The following HNRNPH2 variants were observed in gnomAD, a reference collection of about 807,000 sequenced individuals.
HNRNPH2 encodes the protein heterogeneous nuclear ribonucleoprotein H2, also known as FTP-3.
For synonymous variants in HNRNPH2, 128 were observed against 128.2 expected, an observed-to-expected ratio of 1.00 and a Z score of 0.01; for missense variants, 115 against 352.9, an observed-to-expected ratio of 0.33 and a Z score of 5.40.
At position 101,412,712 on chromosome X, in the gene HNRNPH2, G is replaced by A. The variant is rs1330140553; in HGVS notation, c.724G>A (p.Gly242Ser). The change falls in exon 2 of 2, where the codon GGC (glycine) becomes AGC (serine). Residue 242 changes from glycine to serine, a missense_variant. By Grantham distance (56) the Gly-to-Ser change is moderately conservative. Coordinates refer to ENST00000316594, the MANE Select transcript of HNRNPH2 (RefSeq NM_019597.5). ...RRGAYGGGYG[G>S]YDDYGGYNDG... The stretch of plus-strand genomic sequence containing the variant: ...TGGTGCCTATGGTGGAGGGTATGGA[G>A]GCTATGATGACTATGGTGGCTATAA... 1.7e-6 allele frequency: 2 copies of A among 1,209,488 alleles called. No individual in the cohort carries two copies. Among genetic ancestry groups the A allele is most frequent in the Non-Finnish European group, 1.1e-6 (1 of 894,937 alleles).
intron 1 of HNRNPH2, among the ~76,000 whole-genome samples, 159 bp from the exon 2 acceptor site, chrX:101,411,777 A>G (rs1928813949): frequency 1.8e-5 from 2 of 112,082 alleles, no homozygotes; most frequent in South Asian, 7.4e-4. Context: ...AACTGCTAAA[A>G]AATGAATGAG....
At chrX:101,409,363 G>A (rs1555987667) in intron 1 of HNRNPH2, among the ~76,000 whole-genome samples, 1 of 111,944 alleles carries the variant, frequency 8.9e-6, no homozygotes, top group African/African-American at 3.2e-5. Context: ...GAGGCCCAGT[G>A]CTCCCAGACC....
intron 1 of HNRNPH2, among the ~76,000 whole-genome samples, chrX:101,410,995 C>T (rs3027577): frequency 5.2e-4 from 58 of 111,903 alleles, no homozygotes; most frequent in Admixed American, 4.5e-3. Flanking sequence ...TATGCTTACA[C>T]TCCACTCAGA....
At chrX:101,410,440 C>T (rs1372501044) in intron 1 of HNRNPH2, among the ~76,000 whole-genome samples, 1 of 112,065 alleles carries the variant, frequency 8.9e-6, no homozygotes, top group Non-Finnish European at 1.9e-5. Context: ...TGAAAAATAA[C>T]GATTAGTTCT....
Position 101,413,487 on chromosome X carries a change from T to G in HNRNPH2, c.*149T>G. 1 of 426,493 alleles carries G rather than the reference T, an allele frequency of 2.3e-6. No homozygotes were observed. Among genetic ancestry groups the G allele is most frequent in the Non-Finnish European group, 3.9e-6 (1 of 258,385 alleles). The allele number at this position is 426,493 out of a possible 1,213,427, so 35.1% of individuals were successfully genotyped here. On this transcript the variant is annotated 3_prime_UTR_variant, in exon 2 of 2. Coordinates refer to ENST00000316594, the MANE Select transcript of HNRNPH2 (RefSeq NM_019597.5). ...CTGATCACTCTTGGTCAGCTTCTCT[T>G]TCTTTATCTTTCTTTCTCCTTTTTT... is the stretch of plus-strand genomic sequence containing the variant.
intron 1 of HNRNPH2, among the ~76,000 whole-genome samples, chrX:101,409,921 G>T (rs1928727128): frequency 9.0e-6 from 1 of 111,451 alleles, no homozygotes; most frequent in Admixed American, 9.5e-5. Flanking sequence ...TTCCTCTAAT[G>T]ATGGCTATTT....
chrX:101,412,966 A>C lies in HNRNPH2; in HGVS notation c.978A>C (p.Arg326Ser). ...ATATTGAAATTGGACCCGATGGCAG[A>C]GTTACCGGTGAGGCAGATGTTGAAT... ...RVHIEIGPDG[R>S]VTGEADVEFA... is the part of the protein sequence containing the mutation. Residue 326 changes from arginine (R) to serine (S), a missense_variant, in exon 2 of 2, where the codon AGA (arginine) becomes AGC (serine). Physicochemically the swap from Arg to Ser is moderately radical, Grantham distance 110 (BLOSUM62 -1). Coordinates refer to ENST00000316594, the MANE Select transcript of HNRNPH2 (RefSeq NM_019597.5). 1 of 1,211,414 alleles carries C rather than the reference A, an allele frequency of 8.3e-7. No individual in the cohort carries two copies. Among genetic ancestry groups the C allele is most frequent in the Non-Finnish European group, 1.1e-6 (1 of 895,147 alleles).
chrX:101,409,728 A>G (rs1415572846), intron 1 of HNRNPH2, among the ~76,000 whole-genome samples: 2 of 110,991 alleles, frequency 1.8e-5, no homozygotes, highest in Non-Finnish European at 3.8e-5. Flanking sequence ...TTGCTTCCAG[A>G]TCTTTTATTT....
rs1215015783 is a variant in HNRNPH2 at position 101,412,585 on chromosome X, A to G, written c.597A>G (p.Arg199=). ...TTCGAACCCACTATGATCCCCCTCGAAAGCTCATGGCTATGCAGCGGCCAG... is the reference window on the plus strand; with the variant it reads ...TTCGAACCCACTATGATCCCCCTCGGAAGCTCATGGCTATGCAGCGGCCAG... ...AEVRTHYDPP[R]KLMAMQRPGP... is the part of the protein sequence containing the mutation. The change falls in exon 2 of 2, where the codon CGA becomes CGG. Residue 199 remains arginine, a synonymous_variant. Coordinates refer to ENST00000316594, the MANE Select transcript of HNRNPH2 (RefSeq NM_019597.5). 9 of 1,210,447 alleles carry G rather than the reference A, an allele frequency of 7.4e-6. No homozygotes were observed. Among genetic ancestry groups the G allele is most frequent in the Admixed American group, 2.2e-5 (1 of 45,848 alleles).
chrX:101,411,885 T>C (rs781807165), intron 1 of HNRNPH2, 51 bp from the exon 2 acceptor site: 35 of 1,111,339 alleles, frequency 3.1e-5, no homozygotes, highest in Non-Finnish European at 2.9e-5. Flanking sequence ...TTTCTCTTAC[T>C]ATATCACGAG....
chrX:101,409,117 T>C (rs1027434789), intron 1 of HNRNPH2, among the ~76,000 whole-genome samples: 5 of 97,157 alleles, frequency 5.1e-5, no homozygotes, highest in African/African-American at 2.0e-4. Context: ...GGGAATTAAA[T>C]GGGACGGGTT....
chrX:101,410,933 A>G (rs782198484), intron 1 of HNRNPH2, among the ~76,000 whole-genome samples: 2 of 111,967 alleles, frequency 1.8e-5, no homozygotes, highest in South Asian at 7.4e-4. Context: ...TGTTTCATTT[A>G]ACCATTTGGC....
intron 1 of HNRNPH2, among the ~76,000 whole-genome samples, chrX:101,408,848 A>G (rs1332331919): frequency 1.8e-5 from 2 of 112,604 alleles, no homozygotes; most frequent in Non-Finnish European, 3.8e-5. Flanking sequence ...TTCAATTTCG[A>G]ACATTTGAAA....
chrX:101,411,849 T>C (rs1157950945), intron 1 of HNRNPH2, 87 bp from the exon 2 acceptor site: 1 of 987,589 alleles, frequency 1.0e-6, no homozygotes, highest in African/African-American at 1.9e-5. Flanking sequence ...TCAGCATAAT[T>C]GAATTTTCTA....
At position 101,413,473 on chromosome X, in the gene HNRNPH2, T is replaced by C. The variant is rs1928869868; in HGVS notation, c.*135T>C. On this transcript the variant is annotated 3_prime_UTR_variant, in exon 2 of 2. Coordinates refer to ENST00000316594, the MANE Select transcript of HNRNPH2 (RefSeq NM_019597.5). ...AAATATAATTGATTCTGATCACTCT[T>C]GGTCAGCTTCTCTTTCTTTATCTTT... 3 of 496,947 alleles carry C rather than the reference T, an allele frequency of 6.0e-6. No individual in the cohort carries two copies. In the East Asian group the frequency reaches 1.1e-4, roughly 18 times the overall value. The allele number at this position is 496,947 out of a possible 1,213,427, so 41.0% of individuals were successfully genotyped here.
intron 1 of HNRNPH2, 79 bp downstream of exon 1, chrX:101,408,398 C>T (rs1928631264): frequency 6.1e-6 from 1 of 163,394 alleles, no homozygotes; most frequent in African/African-American, 3.1e-5. Flanking sequence ...CCGCCTCCGC[C>T]TCTTTCGTTC....
rs41307260 is a variant in HNRNPH2 at position 101,413,501 on chromosome X, T to G, written c.*163T>G. On this transcript the variant is annotated 3_prime_UTR_variant, in exon 2 of 2. Coordinates refer to ENST00000316594, the MANE Select transcript of HNRNPH2 (RefSeq NM_019597.5). ...TCAGCTTCTCTTTCTTTATCTTTCT[T>G]TCTCCTTTTTTAAGAAAACGAGTTA... is the stretch of plus-strand genomic sequence containing the variant. The G allele has an allele frequency of 0.074, 30,363 of 412,883 alleles. 1,084 individuals are homozygous for G. Among genetic ancestry groups the G allele is most frequent in the South Asian group, 0.29 (3,941 of 13,366 alleles). 34.0% of individuals were successfully genotyped at this position (412,883 alleles called of 1,213,427 possible).
chrX:101,410,887 A>G (rs782502985), intron 1 of HNRNPH2, among the ~76,000 whole-genome samples: 1 of 110,869 alleles, frequency 9.0e-6, no homozygotes, highest in South Asian at 3.7e-4. Flanking sequence ...ATAATTAAGA[A>G]AAAAAAATGT....
chrX:101,409,670 G>A (rs990182487), intron 1 of HNRNPH2, among the ~76,000 whole-genome samples: 3 of 111,318 alleles, frequency 2.7e-5, no homozygotes, highest in Non-Finnish European at 3.8e-5. Flanking sequence ...GGTAAAAAGC[G>A]AAAAGCCCAC....
Sources: allele counts gnomAD v4.1 joint callset (sites outside exome capture counted in the v4.1 genomes callset), GRCh38; gene constraint gnomAD v4.1.1; transcripts MANE v1.5; gene names NCBI Gene and HGNC (gene_info 2026-07-23, HGNC 2026-07-21).